Variants in SLC39A14 observed in about 807,000 individuals in gnomAD.
The protein encoded by SLC39A14 is metal cation symporter ZIP14.
A neutral mutation model predicts 45.5 loss-of-function variants in SLC39A14; 19 were observed. The ratio of observed to expected loss-of-function variants is 0.42; its 90% CI spans 0.29 to 0.61. The LOEUF is 0.61. SLC39A14 is among the 20% of genes least tolerant of loss of function. The pLI is 0.22. For missense variants in SLC39A14, 447 were observed against 616.5 expected, an observed-to-expected ratio of 0.73 and a Z score of 2.91; for synonymous variants, 264 against 251.3, an observed-to-expected ratio of 1.05 and a Z score of -0.48.
At position 22,412,169 on chromosome 8, in the gene SLC39A14, C is replaced by T; in HGVS notation, c.590C>T (p.Thr197Ile). 1 of 1,551,748 alleles carries T rather than the reference C, an allele frequency of 6.4e-7. No individual in the cohort carries two copies. Among genetic ancestry groups the T allele is most frequent in the Non-Finnish European group, 8.7e-7 (1 of 1,147,002 alleles). The stretch of plus-strand genomic sequence containing the variant: ...TACTTCATAGCTCTGGCGATTGGAA[C>T]CCTCTACTCCAACGCCCTCTTCCAG... ...LLYFIALAIG[T>I]LYSNALFQLI... The change falls in exon 4 of 9, where the codon ACC becomes ATC. Residue 197 changes from threonine to isoleucine, a missense_variant. Thr to Ile is a moderately conservative substitution (Grantham distance 89, BLOSUM62 -1). Coordinates refer to ENST00000381237, the MANE Select transcript of SLC39A14 (RefSeq NM_001128431.4).
At chr8:22,369,997 C>A (rs1219329357) in intron 1 of SLC39A14, among the ~76,000 whole-genome samples, 1 of 152,130 alleles carries the variant, frequency 6.6e-6, no homozygotes, top group Admixed American at 6.5e-5. Context: ...TCCCACAGAT[C>A]AATTGGGCAA....
chr8:22,389,024 A>G (rs1165829283), intron 1 of SLC39A14, among the ~76,000 whole-genome samples: 1 of 152,012 alleles, frequency 6.6e-6, no homozygotes, highest in Non-Finnish European at 1.5e-5. Context: ...AGCAGGGACG[A>G]CGCAGGGGCT....
At chr8:22,427,693 T>G (rs1371911009), downstream of SLC39A14, among the ~76,000 whole-genome samples, 3 of 152,182 alleles carry the variant, frequency 2.0e-5, no homozygotes, top group Non-Finnish European at 4.4e-5. Flanking sequence ...ATTCACACAA[T>G]TTAAGCATTT....
intron 4 of SLC39A14, 58 bp downstream of exon 4, chr8:22,412,264 T>A: frequency 6.6e-7 from 1 of 1,519,432 alleles, no homozygotes; most frequent in Non-Finnish European, 8.9e-7. Context: ...TGGGAGGACC[T>A]CCGTTTGGAT....
chr8:22,415,513 C>T, intron 5 of SLC39A14: 1 of 413,184 alleles, frequency 2.4e-6, no homozygotes, highest in East Asian at 4.9e-5. Context: ...CCAGGCTGCT[C>T]TCAAACTTCT....
chr8:22,386,430 C>T lies in SLC39A14; in HGVS notation c.-15-18266C>T, dbSNP rs192992938. ...TACAGGCATGTGCCACCACGCCTGG[C>T]TAATTTTTGTATTTTTAGTAGAGAT... is the stretch of plus-strand genomic sequence containing the variant. On this transcript the variant is annotated intron_variant, in intron 1 of 8. Coordinates refer to ENST00000381237, the MANE Select transcript of SLC39A14 (RefSeq NM_001128431.4). Among the ~76,000 whole-genome samples the T allele has an allele frequency of 5.4e-4, 82 of 151,830 alleles. 1 individual carries two copies. The highest frequency in any genetic ancestry group is 4.2e-4 in the South Asian group (2 of 4,812).
chr8:22,379,943 A>G (rs112340827), intron 1 of SLC39A14, among the ~76,000 whole-genome samples: 28,431 of 135,992 alleles, frequency 0.21, 3,532 homozygotes, highest in East Asian at 0.46. Flanking sequence ...AAAAAAAAAA[A>G]AAAAGAAAAG....
chr8:22,417,562 C>T (rs1032463874), intron 7 of SLC39A14, 89 bp from the exon 8 acceptor site: 5 of 1,132,168 alleles, frequency 4.4e-6, no homozygotes, highest in Non-Finnish European at 6.5e-6. Flanking sequence ...GCTGAGCCTC[C>T]TGAGTAGCTG....
At chr8:22,411,229 G>C (rs1412207548) in intron 3 of SLC39A14, among the ~76,000 whole-genome samples, 4 of 152,252 alleles carry the variant, frequency 2.6e-5, no homozygotes, top group African/African-American at 9.6e-5. Flanking sequence ...TGGCCTGCCA[G>C]GGAGTGTCTC....
chr8:22,390,911 T>A (rs1430782824), intron 1 of SLC39A14, among the ~76,000 whole-genome samples: 2 of 152,078 alleles, frequency 1.3e-5, no homozygotes, highest in Admixed American at 6.5e-5. Flanking sequence ...GGGGAGAGCC[T>A]GGACACCTTC....
intron 1 of SLC39A14, among the ~76,000 whole-genome samples, chr8:22,397,681 C>T (rs569936179): frequency 4.6e-4 from 70 of 152,320 alleles, no homozygotes; most frequent in South Asian, 8.3e-4. Context: ...TACGCCTGGG[C>T]TCCAGATGGC....
At chr8:22,411,651 G>A (rs952116861) in intron 3 of SLC39A14, among the ~76,000 whole-genome samples, 1 of 152,188 alleles carries the variant, frequency 6.6e-6, no homozygotes, top group African/African-American at 2.4e-5. Flanking sequence ...CAGCCTCTGT[G>A]ATAGGTCTGG....
chr8:22,397,441 G>T (rs937592564), intron 1 of SLC39A14, among the ~76,000 whole-genome samples: 12 of 152,210 alleles, frequency 7.9e-5, no homozygotes, highest in Admixed American at 7.9e-4. Context: ...AGCTGGGCGT[G>T]GTGGTGGGCG....
intron 8 of SLC39A14, among the ~76,000 whole-genome samples, chr8:22,431,928 C>T (rs1451073337): frequency 1.3e-5 from 2 of 152,128 alleles, no homozygotes. Flanking sequence ...GAGCTTTCTT[C>T]TTTTTAAATT....
intron 1 of SLC39A14, among the ~76,000 whole-genome samples, chr8:22,397,380 C>T (rs1434850271): frequency 6.6e-6 from 1 of 152,148 alleles, no homozygotes; most frequent in African/African-American, 2.4e-5. Flanking sequence ...AGATCGAGAC[C>T]ATCCTGGCTA....
At chr8:22,430,924 C>T (rs1305309488) in intron 8 of SLC39A14, among the ~76,000 whole-genome samples, 18 of 151,898 alleles carry the variant, frequency 1.2e-4, no homozygotes, top group African/African-American at 2.9e-4. Context: ...CCGCCCATCT[C>T]GGCCTCCCAA....
At chr8:22,424,123 T>G (rs149918794), downstream of SLC39A14, among the ~76,000 whole-genome samples, 26 of 152,300 alleles carry the variant, frequency 1.7e-4, no homozygotes, top group East Asian at 5.0e-3. Context: ...GGCTGTGATC[T>G]CACTGTGTTG....
rs900442793 is a variant in SLC39A14 at position 22,379,906 on chromosome 8, C to T, written c.-16+12498C>T. Among the ~76,000 whole-genome samples the T allele has an allele frequency of 2.6e-4, 33 of 128,850 alleles. No individual in the cohort carries two copies. In the East Asian group the frequency reaches 3.2e-3, roughly 12 times the overall value. 84.5% of individuals were successfully genotyped at this position (128,850 alleles called of 152,430 possible). On this transcript the variant is annotated intron_variant, in intron 1 of 8. Transcript: ENST00000381237. ...GTTGTGCCACTGCACTCCAGCCTGG[C>T]GACAGAGTGAGACTCCATCTCAAAA...
At chr8:22,408,159 A>G in intron 2 of SLC39A14, 151 bp from the exon 3 acceptor site, 1 of 644,196 alleles carries the variant, frequency 1.6e-6, no homozygotes, top group Non-Finnish European at 2.6e-6. Flanking sequence ...CCTTGCCCTC[A>G]TCCCTAGACT....
Sources: gnomAD v4.1 joint callset for allele counts (sites outside exome capture counted in the v4.1 genomes callset) on GRCh38, gnomAD v4.1.1 for gene constraint, MANE v1.5 for transcripts, NCBI Gene and HGNC (gene_info 2026-07-23, HGNC 2026-07-21) for gene names.